The following SPINK5 variants were observed in gnomAD, a reference collection of about 807,000 sequenced individuals.
SPINK5 encodes the protein serine protease inhibitor Kazal-type 5.
Under a neutral mutation model 151.8 loss-of-function variants are expected in SPINK5, and 125 were observed. The ratio of observed to expected loss-of-function variants is 0.82; its 90% CI spans 0.71 to 0.96. The LOEUF (loss-of-function observed/expected upper bound fraction) is 0.96, where lower values mean the gene tolerates loss of function less well. Among genes scored for constraint, SPINK5 ranks in the 40% least tolerant of loss-of-function variants. SPINK5 has a pLI of 0.00. For synonymous variants in SPINK5, 374 were observed against 395.3 expected, an observed-to-expected ratio of 0.95 and a Z score of 0.64; for missense variants, 1,194 against 1,291.9, an observed-to-expected ratio of 0.92 and a Z score of 1.16.
rs202016486 is a variant in SPINK5, at chr5:148,124,768, T to G, written c.2670T>G (p.Asp890Glu). ...NKCAMCQSIF[D>E]REANERKKKD... ...TTTTTTTTTAATTATTCTGCAGTGA[T>G]CGAGAAGCTAATGAAAGAAAAAAGA... The change falls in exon 28 of 33, where the codon GAT becomes GAG. Residue 890 changes from aspartate (D) to glutamate (E), a missense_variant. Transcript: ENST00000256084. 1 of 1,601,258 alleles carries G rather than the reference T, an allele frequency of 6.2e-7. No homozygotes were observed. The highest frequency in any genetic ancestry group is 8.5e-7 in the Non-Finnish European group (1 of 1,173,496).
intron 32 of SPINK5, among the ~76,000 whole-genome samples, chr5:148,136,719 T>C (rs1261906541): frequency 3.9e-5 from 6 of 152,222 alleles, no homozygotes; most frequent in Admixed American, 1.3e-4. Context: ...ACTTCTTTTT[T>C]ATCAGCATGA....
intron 4 of SPINK5, among the ~76,000 whole-genome samples, chr5:148,078,914 A>G (rs1471984340): frequency 6.6e-6 from 1 of 150,774 alleles, no homozygotes; most frequent in Non-Finnish European, 1.5e-5. Flanking sequence ...GAAGAAACAT[A>G]TAAGGATTGG....
At chr5:148,076,182 G>A (rs1752876045) in intron 4 of SPINK5, among the ~76,000 whole-genome samples, 1 of 151,696 alleles carries the variant, frequency 6.6e-6, no homozygotes, top group Non-Finnish European at 1.5e-5. Flanking sequence ...TATCTGAGAG[G>A]GTGAAAGCAT....
chr5:148,095,855 C>A lies in SPINK5; in HGVS notation c.832C>A (p.Gln278Lys). The A allele has an allele frequency of 6.2e-7, 1 of 1,612,164 alleles. No homozygotes were observed. The change falls in exon 10 of 33, where the codon CAA (glutamine) becomes AAA (lysine). Residue 278 changes from glutamine (Q) to lysine (K), a missense_variant. By Grantham distance (53) the Gln-to-Lys change is moderately conservative (BLOSUM62 1). Transcript: ENST00000256084. ...TTCAGAGGAAAACAGTAAAACAGAT[C>A]AAAATTTGGGAAAAGCTGAAGAAAA... ...RFSEENSKTD[Q>K]NLGKAEEKTK...
intron 7 of SPINK5, 117 bp downstream of exon 7, chr5:148,089,738 A>G: frequency 2.1e-6 from 3 of 1,442,260 alleles, no homozygotes; most frequent in Non-Finnish European, 9.7e-7. Context: ...TTGTCTTTAC[A>G]CTGTGAAATA....
rs1220886593 is a variant in SPINK5 at position 148,125,835 on chromosome 5, T to C, written c.2852T>C (p.Met951Thr). 1.2e-6 allele frequency: 2 copies of C among 1,614,224 alleles called. No individual in the cohort carries two copies. The highest frequency in any genetic ancestry group is 1.7e-6 in the Non-Finnish European group (2 of 1,180,028). Residue 951 changes from methionine to threonine, a missense_variant, in exon 29 of 33, where the codon ATG (methionine) becomes ACG (threonine). Transcript: ENST00000256084. ...AAGTTCTATACAAACAAGTGCTACA[T>C]GTGCAGAGCTGTCTTGTGAGTAAGA... ...DGKFYTNKCY[M>T]CRAVFLTEAL...
At chr5:148,133,939 G>A (rs1754638018) in intron 32 of SPINK5, 52 bp downstream of exon 32, 9 of 1,590,718 alleles carry the variant, frequency 5.7e-6, no homozygotes, top group Non-Finnish European at 7.8e-6. Flanking sequence ...GGAGCACTGG[G>A]TTCTGGTTTT....
At chr5:148,105,640 G>C (rs1302067081) in intron 16 of SPINK5, among the ~76,000 whole-genome samples, 1 of 151,860 alleles carries the variant, frequency 6.6e-6, no homozygotes, top group Non-Finnish European at 1.5e-5. Flanking sequence ...TTTTGAGATG[G>C]AGTCTCGCTC....
chr5:148,074,238 T>C (rs7712858), intron 4 of SPINK5, among the ~76,000 whole-genome samples: 2,148 of 151,938 alleles, frequency 0.014, 56 homozygotes, highest in African/African-American at 0.049. Context: ...CTTTCATCAC[T>C]AATTTTCTTT....
chr5:148,095,540 T>G (rs1753432615), intron 9 of SPINK5, among the ~76,000 whole-genome samples: 1 of 152,022 alleles, frequency 6.6e-6, no homozygotes, highest in African/African-American at 2.4e-5. Flanking sequence ...TAGCGCTCAT[T>G]TGTATTTGGG....
intron 30 of SPINK5, 69 bp from the exon 31 acceptor site, chr5:148,131,190 G>T: frequency 6.3e-7 from 1 of 1,583,590 alleles, no homozygotes. Context: ...GAACTCAAGA[G>T]GTTTTCTTAA....
intron 19 of SPINK5, 130 bp downstream of exon 19, chr5:148,112,025 A>T: frequency 7.3e-7 from 1 of 1,374,986 alleles, no homozygotes; most frequent in Non-Finnish European, 1.0e-6. Context: ...TGAGTTTGGA[A>T]ATTTACTATT....
Position 148,119,035 on chromosome 5 carries a change from G to T in SPINK5, c.2290G>T (p.Gly764Trp), listed in dbSNP as rs778017808. 3 of 1,614,012 alleles carry T rather than the reference G, an allele frequency of 1.9e-6. No individual in the cohort carries two copies. Among genetic ancestry groups the T allele is most frequent in the Non-Finnish European group, 2.5e-6 (3 of 1,179,932 alleles). ...KNEYSRSRSN[G>W]TGSESGKDTC... ...TGAGTATTCTCGCTCCAGATCAAAT[G>T]GGACTGGATCAGAATCAGGGAAGGT... Residue 764 changes from glycine (G) to tryptophan (W), a missense_variant, in exon 24 of 33, where the codon GGG becomes TGG. By Grantham distance (184) the Gly-to-Trp change is radical. Transcript: ENST00000256084.
At chr5:148,121,659 AAT>A (rs1370147365) in intron 26 of SPINK5, among the ~76,000 whole-genome samples, 1 of 93,758 alleles carries the variant, frequency 1.1e-5, no homozygotes, top group African/African-American at 3.6e-5. Context: ...GTAAAAAAAA[AAT>A]AAAGAAAATA....
At chr5:148,128,879 C>A (rs1441687869) in intron 30 of SPINK5, among the ~76,000 whole-genome samples, 3 of 151,826 alleles carry the variant, frequency 2.0e-5, no homozygotes, top group African/African-American at 7.3e-5. Context: ...AGATAGCGCT[C>A]ACTACATGAA....
At chr5:148,086,002 T>C (rs1221498011) in intron 4 of SPINK5, among the ~76,000 whole-genome samples, 1 of 151,876 alleles carries the variant, frequency 6.6e-6, no homozygotes, top group Admixed American at 6.6e-5. Flanking sequence ...TGCTCTTAAT[T>C]ACTATTCTAA....
In SPINK5 at chr5:148,120,707, A is replaced by G. The variant is rs1464770035; in HGVS notation, c.2538+316A>G. Among the ~76,000 whole-genome samples, 3 of 152,128 alleles carry G rather than the reference A, an allele frequency of 2.0e-5. No homozygotes were observed. The East Asian group carries it at 5.8e-4, about 29-fold the overall frequency. On this transcript the variant is annotated intron_variant, in intron 26 of 32. Transcript: ENST00000256084. Reference sequence around the variant, plus strand: ...GGATGGTCTCGAACTCCTGAGCTCAAGCAATTTGCCGGAGCTCAAGTCTCA... The same window carrying G: ...GGATGGTCTCGAACTCCTGAGCTCAGGCAATTTGCCGGAGCTCAAGTCTCA...
rs777647928 is a variant in SPINK5 at position 148,064,066 on chromosome 5, G to A, written c.22G>A (p.Val8Met). 6.2e-7 allele frequency: 1 copy of A among 1,614,168 alleles called. No individual in the cohort carries two copies. The highest frequency in any genetic ancestry group is 1.1e-5 in the South Asian group (1 of 91,092). MKIATVS[V>M]LLPLALCLIQ... ...CAACATGAAGATAGCCACAGTGTCA[G>A]TGCTTCTGCCCTTGGCTCTTTGCCT... The change falls in exon 1 of 33, where the codon GTG (valine) becomes ATG (methionine). Residue 8 changes from valine (V) to methionine (M), a missense_variant. Physicochemically the swap from Val to Met is conservative, Grantham distance 21 (BLOSUM62 1). Transcript: ENST00000256084.
At chr5:148,074,847 A>G (rs1752837963) in intron 4 of SPINK5, among the ~76,000 whole-genome samples, 1 of 151,730 alleles carries the variant, frequency 6.6e-6, no homozygotes, top group African/African-American at 2.4e-5. Context: ...TCAGATTTTT[A>G]TAATTTTTGT....
Sources: gnomAD v4.1 joint callset for allele counts (sites outside exome capture counted in the v4.1 genomes callset) on GRCh38, gnomAD v4.1.1 for gene constraint, MANE v1.5 for transcripts, NCBI Gene and HGNC (gene_info 2026-07-23, HGNC 2026-07-21) for gene names.